The following C5orf34 variants were observed in gnomAD, a reference collection of about 807,000 sequenced individuals.
The protein encoded by C5orf34 is chromosome 5 open reading frame 34.
C5orf34 carries 73 observed loss-of-function variants against 78.4 expected under a neutral mutation model. The observed-to-expected ratio is 0.93, with a 90% CI of 0.77 to 1.13. The LOEUF (loss-of-function observed/expected upper bound fraction) is 1.13. C5orf34 is among the 50% of genes most tolerant of loss of function. The probability of loss-of-function intolerance (pLI) is 0.00; values close to 1 mark genes in which losing one functional copy is unlikely to be tolerated. For missense variants in C5orf34, 730 were observed against 732.7 expected, an observed-to-expected ratio of 1.00 and a Z score of 0.04; for synonymous variants, 251 against 246.6, an observed-to-expected ratio of 1.02 and a Z score of -0.17.
At chr5:43,512,858 C>G (rs1746332979) in intron 1 of C5orf34, among the ~76,000 whole-genome samples, 1 of 139,016 alleles carries the variant, frequency 7.2e-6, no homozygotes. Context: ...TCTGGGCTCA[C>G]TGCAACCTCT....
intron 6 of C5orf34, chr5:43,496,103 C>G: frequency 7.1e-7 from 1 of 1,416,488 alleles, no homozygotes. Flanking sequence ...TTCGCCAACA[C>G]CAGCAGCAAC....
intron 7 of C5orf34, among the ~76,000 whole-genome samples, 148 bp downstream of exon 7, chr5:43,494,352 ATTTTATAAAT>A (rs1246091619): frequency 6.6e-6 from 1 of 152,186 alleles, no homozygotes; most frequent in Non-Finnish European, 1.5e-5. Context: ...AAATTACCTT[ATTTTATAAAT>A]TATGACACCA....
At chr5:43,511,957 C>A (rs890050614) in intron 1 of C5orf34, among the ~76,000 whole-genome samples, 2 of 151,692 alleles carry the variant, frequency 1.3e-5, no homozygotes, top group African/African-American at 4.9e-5. Context: ...ATCTGCTGAC[C>A]TTCCCTCCAC....
At position 43,502,457 on chromosome 5, in the gene C5orf34, G is replaced by A; in HGVS notation, c.1067C>T (p.Ser356Phe). ...TGATTTGAAAACAGATCCATCCCCAGAATAAATCTCTATTGAGTTCATATT... is the reference window on the plus strand; with the variant it reads ...TGATTTGAAAACAGATCCATCCCCAAAATAAATCTCTATTGAGTTCATATT... ...HQNMNSIEIY[S>F]GDGSVFKSEG... The change falls in exon 6 of 13, where the codon TCT (serine) becomes TTT (phenylalanine). Residue 356 changes from serine (S) to phenylalanine (F), a missense_variant. Physicochemically the swap from Ser to Phe is radical, Grantham distance 155. Coordinates refer to ENST00000306862, the MANE Select transcript of C5orf34 (RefSeq NM_198566.4). 1 of 1,580,934 alleles carries A rather than the reference G, an allele frequency of 6.3e-7. No homozygotes were observed. The highest frequency in any genetic ancestry group is 8.7e-7 in the Non-Finnish European group (1 of 1,151,466).
intron 6 of C5orf34, among the ~76,000 whole-genome samples, chr5:43,500,163 G>C (rs1208215027): frequency 6.6e-6 from 1 of 152,178 alleles, no homozygotes; most frequent in South Asian, 2.1e-4. Context: ...AAAATGTTAT[G>C]TCATTGATAT....
At chr5:43,512,594 C>A (rs373155888) in intron 1 of C5orf34, among the ~76,000 whole-genome samples, 1 of 152,106 alleles carries the variant, frequency 6.6e-6, no homozygotes, top group South Asian at 2.1e-4. Flanking sequence ...ACTTTTCTCC[C>A]CTAACATTGG....
rs748034742 is a variant in C5orf34 at position 43,492,275 on chromosome 5, A to G, written c.1520T>C (p.Leu507Ser). The stretch of plus-strand genomic sequence containing the variant: ...CTGCTCTTGTCCATCAGGAAAAGTT[A>G]ACTTACACCAACCTAAGTTAAGACC... The part of the protein sequence containing the change: ...NQGLNLGWCK[L>S]TFPDGQEQLI... The change falls in exon 10 of 13, where the codon TTA becomes TCA. Residue 507 changes from leucine to serine, a missense_variant. Leu to Ser is a moderately radical substitution (Grantham distance 145). Transcript: ENST00000306862. 2 of 1,611,782 alleles carry G rather than the reference A, an allele frequency of 1.2e-6. No homozygotes were observed. The highest frequency in any genetic ancestry group is 2.2e-5 in the South Asian group (2 of 90,546).
In C5orf34 at chr5:43,486,787, A is replaced by C. The variant is rs777552661; in HGVS notation, c.*128T>G. The C allele has an allele frequency of 2.4e-4, 106 of 434,586 alleles. No individual in the cohort carries two copies. In the Middle Eastern group the frequency reaches 3.0e-3, roughly 12 times the overall value. The allele number at this position is 434,586 out of a possible 1,614,324, so 26.9% of individuals were successfully genotyped here. A position where few individuals can be genotyped will look rare whatever the true frequency, so the allele number is the denominator to read the frequency against. ...AAGTTAAAAATACCTTCAAAGTTAA[A>C]TGTCAGTTCTTTCACAATCATTGTG... On this transcript the variant is annotated 3_prime_UTR_variant, in exon 13 of 13. Coordinates refer to ENST00000306862, the MANE Select transcript of C5orf34 (RefSeq NM_198566.4).
At chr5:43,513,868 T>C (rs1746375366) in intron 1 of C5orf34, among the ~76,000 whole-genome samples, 1 of 152,264 alleles carries the variant, frequency 6.6e-6, no homozygotes, top group Non-Finnish European at 1.5e-5. Context: ...ATAGAATCTA[T>C]CATCAAAATT....
intron 2 of C5orf34, 81 bp from the exon 3 acceptor site, chr5:43,508,747 T>C: frequency 1.2e-6 from 1 of 864,348 alleles, no homozygotes; most frequent in East Asian, 2.5e-5. Context: ...GTATAATCCA[T>C]AATACTAATT....
chr5:43,506,873 T>C (rs1270894553), intron 3 of C5orf34, among the ~76,000 whole-genome samples: 1 of 151,780 alleles, frequency 6.6e-6, no homozygotes, highest in Non-Finnish European at 1.5e-5. Flanking sequence ...ATAAAAATTA[T>C]TGACAGAACA....
chr5:43,511,379 GA>G (rs1357207110), intron 1 of C5orf34: 85 of 153,728 alleles, frequency 5.5e-4, no homozygotes, highest in Middle Eastern at 3.2e-3. Flanking sequence ...GGGCAGCCCC[GA>G]CCCGGCCAGC....
chr5:43,504,539 G>T (rs1324145650), intron 4 of C5orf34, among the ~76,000 whole-genome samples: 1 of 152,128 alleles, frequency 6.6e-6, no homozygotes, highest in African/African-American at 2.4e-5. Context: ...CTGAAACCTG[G>T]AAATGAGCAT....
At position 43,494,566 on chromosome 5, in the gene C5orf34, A is replaced by G; in HGVS notation, c.1188T>C (p.Pro396=). The part of the protein sequence containing the change: ...EEKTYSVNNL[P]PDRPGSPFTV... ...TGAATGGACTTCCCGGTCTATCTGG[A>G]GGAAGGTTATTTACTGAGTAAGTTT... The change falls in exon 7 of 13, where the codon CCT becomes CCC. Residue 396 remains proline (P), a synonymous_variant. Coordinates refer to ENST00000306862, the MANE Select transcript of C5orf34 (RefSeq NM_198566.4). The G allele has an allele frequency of 1.2e-6, 2 of 1,607,948 alleles. No individual in the cohort carries two copies. Among genetic ancestry groups the G allele is most frequent in the South Asian group, 2.2e-5 (2 of 89,954 alleles).
chr5:43,512,876 G>A (rs747572963), intron 1 of C5orf34, among the ~76,000 whole-genome samples: 55 of 144,910 alleles, frequency 3.8e-4, no homozygotes, highest in Non-Finnish European at 5.5e-4. Flanking sequence ...TCTGCCTCCC[G>A]GGTTCAAGTG....
Position 43,508,594 on chromosome 5 carries a change from G to A in C5orf34, c.268C>T (p.Pro90Ser). ...TCPFLSETII[P>S]SERKKHIFID... The stretch of plus-strand genomic sequence containing the variant: ...AAAATCACCTTTTTTCTTTCAGAAG[G>A]TATGATGGTTTCAGATAAAAAAGGG... The change falls in exon 3 of 13, where the codon CCT becomes TCT. Residue 90 changes from proline (P) to serine (S), a missense_variant. Transcript: ENST00000306862. 1 of 1,603,390 alleles carries A rather than the reference G, an allele frequency of 6.2e-7. No individual in the cohort carries two copies. The highest frequency in any genetic ancestry group is 1.1e-5 in the South Asian group (1 of 90,328).
chr5:43,495,602 G>T (rs1392219893), intron 6 of C5orf34: 3 of 1,611,774 alleles, frequency 1.9e-6, no homozygotes, highest in East Asian at 2.2e-5. Context: ...TACTTCTGTT[G>T]TAATGTTGAC....
rs1745963758 is a variant in C5orf34, at chr5:43,505,901, T to C, written c.779A>G (p.His260Arg). Residue 260 changes from histidine (H) to arginine (R), a missense_variant, in exon 4 of 13, where the codon CAT (histidine) becomes CGT (arginine). His to Arg is a conservative substitution (Grantham distance 29). Transcript: ENST00000306862. Reference sequence around the variant, plus strand: ...CATATTGCTGATTTTATTATGAAAATGAAGTGCTAAAGACAAAGGATATTT... The same window carrying C: ...CATATTGCTGATTTTATTATGAAAACGAAGTGCTAAAGACAAAGGATATTT... ...EWKYPLSLALHFHNKISNMSK... is the reference protein window; with the variant it reads ...EWKYPLSLALRFHNKISNMSK... 3 of 1,613,882 alleles carry C rather than the reference T, an allele frequency of 1.9e-6. No homozygotes were observed. Among genetic ancestry groups the C allele is most frequent in the African/African-American group, 2.7e-5 (2 of 74,932 alleles).
chr5:43,496,287 A>C, intron 6 of C5orf34: 2 of 1,586,034 alleles, frequency 1.3e-6, no homozygotes, highest in Non-Finnish European at 1.7e-6. Flanking sequence ...AGACCCAGGC[A>C]TACTTGAAGG....
Sources: gnomAD v4.1 joint callset for allele counts (sites outside exome capture counted in the v4.1 genomes callset) on GRCh38, gnomAD v4.1.1 for gene constraint, MANE v1.5 for transcripts, NCBI Gene and HGNC (gene_info 2026-07-23, HGNC 2026-07-21) for gene names.